IPO13: variants seen among roughly 807,000 people sequenced by gnomAD.
IPO13 encodes the protein importin-13.
Under a neutral mutation model 115.5 loss-of-function variants are expected in IPO13, and 28 were observed. That is an observed-to-expected ratio of 0.24 (90% CI 0.18 to 0.33). The LOEUF (loss-of-function observed/expected upper bound fraction) is 0.33. IPO13 is among the 10% of genes least tolerant of loss of function. The pLI, the probability that IPO13 is intolerant of heterozygous loss-of-function variation, is 1.00. For synonymous variants in IPO13, 414 were observed against 478.9 expected (o/e 0.86, Z 1.77); for missense variants, 785 against 1,204.6 (o/e 0.65, Z 5.16).
At chr1:43,949,371 G>A (rs2085189525) in intron 1 of IPO13, 46 bp from the exon 2 acceptor site, 1 of 1,531,396 alleles carries the variant, frequency 6.5e-7, no homozygotes, top group South Asian at 1.3e-5. Flanking sequence ...GGCTCTGGCA[G>A]GATCCAGAGT....
At chr1:43,960,829 A>G in intron 12 of IPO13, 47 bp from the exon 13 acceptor site, 1 of 1,609,900 alleles carries the variant, frequency 6.2e-7, no homozygotes, top group Non-Finnish European at 8.5e-7. Flanking sequence ...GCGCTGTTCC[A>G]GCCAGTCATG....
Position 43,967,989 on chromosome 1 carries a change from C to G in IPO13, c.*307C>G. 1 of 482,718 alleles carries G rather than the reference C, an allele frequency of 2.1e-6. No individual in the cohort carries two copies. Among genetic ancestry groups the G allele is most frequent in the Non-Finnish European group, 3.8e-6 (1 of 266,122 alleles). The allele number at this position is 482,718 out of a possible 1,614,324, so 29.9% of individuals were successfully genotyped here. A position where few individuals can be genotyped will look rare whatever the true frequency, so the allele number is the denominator to read the frequency against. On this transcript the variant is annotated 3_prime_UTR_variant, in exon 20 of 20. Transcript: ENST00000372343. The surrounding 1 kb of genome is among the most constrained non-coding windows in gnomAD (Gnocchi z 6.1). ...GGGTGGTTGCAGTAGTGTCATCAAC[C>G]CCCCCATCCCCATTAAATTAATCCC...
In IPO13 at chr1:43,967,506, GCTGGGGTGGGC is replaced by G; in HGVS notation, c.2795+18_2795+28del. ...GCCAGCAGATCCTTCGGTGAGCAGA[GCTGGGGTGGGC>G]CTGGGGTCAGGCAGAGAGGGGGCAG... On this transcript the variant is annotated intron_variant, in intron 19 of 19. Transcript: ENST00000372343. This position sits in a 1 kb window ranked among gnomAD's most constrained non-coding sequence, Gnocchi z 6.1. 1 of 1,614,164 alleles carries G rather than the reference GCTGGGGTGGGC, an allele frequency of 6.2e-7. No individual in the cohort carries two copies. Among genetic ancestry groups the G allele is most frequent in the Non-Finnish European group, 8.5e-7 (1 of 1,179,976 alleles).
intron 1 of IPO13, 110 bp from the exon 2 acceptor site, chr1:43,949,307 C>T: frequency 8.4e-7 from 1 of 1,191,520 alleles, no homozygotes; most frequent in Non-Finnish European, 1.1e-6. Flanking sequence ...CTGCTCAGCC[C>T]CCCAGTCAGG....
chr1:43,967,610 G>A lies in IPO13; in HGVS notation c.2820G>A (p.Val940=). Reference sequence around the variant, plus strand: ...GCGAGCGAGTGAACAAGAGGCGGGTGAAGGAGATGGTGAAGGAGTTCACAC... The same window carrying A: ...GCGAGCGAGTGAACAAGAGGCGGGTAAAGGAGATGGTGAAGGAGTTCACAC... ...ILRERVNKRR[V]KEMVKEFTLL... Residue 940 remains valine (V), a synonymous_variant, in exon 20 of 20, where the codon GTG becomes GTA. Coordinates refer to ENST00000372343, the MANE Select transcript of IPO13 (RefSeq NM_014652.4). The surrounding 1 kb of genome is among the most constrained non-coding windows in gnomAD (Gnocchi z 6.1). 6.2e-7 allele frequency: 1 copy of A among 1,614,222 alleles called. No individual in the cohort carries two copies. The highest frequency in any genetic ancestry group is 8.5e-7 in the Non-Finnish European group (1 of 1,180,032).
chr1:43,947,852 T>C (rs1008978588), intron 1 of IPO13, among the ~76,000 whole-genome samples, 168 bp downstream of exon 1: 8 of 152,222 alleles, frequency 5.3e-5, no homozygotes, highest in African/African-American at 1.4e-4. Context: ...CCTAATGGGC[T>C]ATTTTTGTCT....
At position 43,957,530 on chromosome 1, in the gene IPO13, C is replaced by A; in HGVS notation, c.1521C>A (p.Asp507Glu). ...GCATCAGCAACGTGCAGCTGGCAGA[C>A]ACTGTCATGTTCACCATTGGTGAGA... ...RISISNVQLADTVMFTIGALS... is the reference protein window; with the variant it reads ...RISISNVQLAETVMFTIGALS... The change falls in exon 7 of 20, where the codon GAC becomes GAA. Residue 507 changes from aspartate to glutamate, a missense_variant. By Grantham distance (45) the Asp-to-Glu change is conservative. Transcript: ENST00000372343. 6.2e-7 allele frequency: 1 copy of A among 1,614,198 alleles called. No homozygotes were observed. The highest frequency in any genetic ancestry group is 1.3e-5 in the African/African-American group (1 of 75,044).
Position 43,956,407 on chromosome 1 carries a change from G to C in IPO13, c.909G>C (p.Glu303Asp). The C allele has an allele frequency of 6.2e-7, 1 of 1,614,198 alleles. No homozygotes were observed. Among genetic ancestry groups the C allele is most frequent in the East Asian group, 2.2e-5 (1 of 44,880 alleles). ...AGGCAGTGCAGAATGGGGACATGGA[G>C]ACCTCCCATGGCATCTGTCGCATCG... ...LRQAVQNGDM[E>D]TSHGICRIAV... The change falls in exon 3 of 20, where the codon GAG becomes GAC. Residue 303 changes from glutamate (E) to aspartate (D), a missense_variant. This residue lies in a region of IPO13 where 325 missense variants were observed against 449.8 expected (regional missense o/e 0.72). Transcript: ENST00000372343. The surrounding 1 kb of genome is among the most constrained non-coding windows in gnomAD (Gnocchi z 4.7).
intron 2 of IPO13, among the ~76,000 whole-genome samples, chr1:43,950,425 G>A (rs2085201153): frequency 6.6e-6 from 1 of 152,100 alleles, no homozygotes; most frequent in African/African-American, 2.4e-5. Context: ...TTCCCCTCCT[G>A]ACCATATTGC....
intron 2 of IPO13, chr1:43,953,359 T>C (rs1380953485): frequency 5.3e-5 from 8 of 152,280 alleles, no homozygotes. Flanking sequence ...AAAGACATCC[T>C]CCCTGTCTCC....
chr1:43,958,309 G>A lies in IPO13; in HGVS notation c.1749+41G>A. The stretch of plus-strand genomic sequence containing the variant: ...TTCTAGGGGTCTCCTTGGAGGTCTT[G>A]TGGGAATCACTTATCCCTGAAATCC... On this transcript the variant is annotated intron_variant, in intron 9 of 19. Coordinates refer to ENST00000372343, the MANE Select transcript of IPO13 (RefSeq NM_014652.4). The surrounding 1 kb of genome is among the most constrained non-coding windows in gnomAD (Gnocchi z 6.3). 6.2e-7 allele frequency: 1 copy of A among 1,613,420 alleles called. No homozygotes were observed.
intron 11 of IPO13, among the ~76,000 whole-genome samples, chr1:43,959,229 CT>C (rs2085273395): frequency 6.6e-6 from 1 of 152,226 alleles, no homozygotes; most frequent in Non-Finnish European, 1.5e-5. Flanking sequence ...TGTTCAACCC[CT>C]AGCTCTGTAG....
intron 15 of IPO13, among the ~76,000 whole-genome samples, chr1:43,965,113 G>T (rs1049344903): frequency 6.6e-6 from 1 of 151,944 alleles, no homozygotes; most frequent in Non-Finnish European, 1.5e-5. Context: ...TTGTCGGAGT[G>T]TATATTATGG....
Position 43,950,035 on chromosome 1 carries a change from C to T in IPO13, c.703C>T (p.Pro235Ser), listed in dbSNP as rs1453645972. Reference sequence around the variant, plus strand: ...CTCCAGCTGGGTGCAGCTGGAGGTGCCGCTGCAGGACTGTGAGGCGCTCAT... The same window carrying T: ...CTCCAGCTGGGTGCAGCTGGAGGTGTCGCTGCAGGACTGTGAGGCGCTCAT... ...CFSSWVQLEVPLQDCEALIQA... is the reference protein window; with the variant it reads ...CFSSWVQLEVSLQDCEALIQA... The change falls in exon 2 of 20, where the codon CCG becomes TCG. Residue 235 changes from proline (P) to serine (S), a missense_variant. Pro to Ser is a moderately conservative substitution (Grantham distance 74, BLOSUM62 -1). Around this residue, in one of 3 missense-constraint regions of IPO13, gnomAD observed 325 missense variants for 449.8 expected, o/e 0.72. Transcript: ENST00000372343. 1 of 1,613,544 alleles carries T rather than the reference C, an allele frequency of 6.2e-7. No homozygotes were observed. The highest frequency in any genetic ancestry group is 8.5e-7 in the Non-Finnish European group (1 of 1,179,910).
chr1:43,959,638 G>A (rs906609050), intron 11 of IPO13, among the ~76,000 whole-genome samples: 3 of 152,172 alleles, frequency 2.0e-5, no homozygotes, highest in African/African-American at 4.8e-5. Flanking sequence ...AGGAGAAAAG[G>A]AAGCCATAGG....
At chr1:43,957,103 GT>G in intron 5 of IPO13, 91 bp from the exon 6 acceptor site, 1 of 1,572,934 alleles carries the variant, frequency 6.4e-7, no homozygotes, top group Non-Finnish European at 8.6e-7. Flanking sequence ...TTGTTGCAGA[GT>G]TGTGGGGGTA....
intron 2 of IPO13, among the ~76,000 whole-genome samples, chr1:43,955,471 G>T (rs1443282169): frequency 6.6e-6 from 1 of 152,206 alleles, no homozygotes; most frequent in Non-Finnish European, 1.5e-5. Flanking sequence ...TGGCAAGGCT[G>T]TGCTCCCTCT....
At position 43,947,439 on chromosome 1, in the gene IPO13, C is replaced by A; in HGVS notation, c.-162C>A. The stretch of plus-strand genomic sequence containing the variant: ...TGGTCTCTGGCAAGCCTCCCACCCC[C>A]AAACGAGGTGGGGAGGCCTCGGCAG... On this transcript the variant is annotated 5_prime_UTR_variant, in exon 1 of 20. Transcript: ENST00000372343. The A allele has an allele frequency of 7.4e-6, 3 of 406,930 alleles. No homozygotes were observed. Among genetic ancestry groups the A allele is most frequent in the Non-Finnish European group, 1.3e-5 (3 of 232,362 alleles). The allele number at this position is 406,930 out of a possible 1,614,324, so 25.2% of individuals were successfully genotyped here.
chr1:43,951,717 T>G (rs893207874), intron 2 of IPO13, among the ~76,000 whole-genome samples: 10 of 152,194 alleles, frequency 6.6e-5, no homozygotes, highest in African/African-American at 2.2e-4. Flanking sequence ...GTCCTGATGC[T>G]GACATTTCAG....
Sources: gnomAD v4.1 joint callset for allele counts (sites outside exome capture counted in the v4.1 genomes callset) on GRCh38, gnomAD v4.1.1 for gene constraint, gnomAD v4.1.1 regional missense constraint, Gnocchi (gnomAD v3.1) non-coding constraint, MANE v1.5 for transcripts, NCBI Gene and HGNC (gene_info 2026-07-23, HGNC 2026-07-21) for gene names.